Variants in YTHDC2 observed in about 807,000 individuals in gnomAD.
YTHDC2 encodes the protein 3'-5' RNA helicase YTHDC2.
Under a neutral mutation model 174.9 loss-of-function variants are expected in YTHDC2, and 45 were observed. The ratio of observed to expected loss-of-function variants is 0.26; its 90% CI spans 0.20 to 0.33. The LOEUF (loss-of-function observed/expected upper bound fraction) is 0.33, where lower values mean the gene tolerates loss of function less well. YTHDC2 is among the 10% of genes least tolerant of loss of function. The probability of loss-of-function intolerance (pLI) is 1.00; values close to 1 mark genes in which losing one functional copy is unlikely to be tolerated. For synonymous variants in YTHDC2, 657 were observed against 574.5 expected, an observed-to-expected ratio of 1.14 and a Z score of -2.05; for missense variants, 1,650 against 1,723.7, an observed-to-expected ratio of 0.96 and a Z score of 0.76.
chr5:113,526,539 T>C, intron 3 of YTHDC2, 47 bp from the exon 4 acceptor site: 1 of 1,459,644 alleles, frequency 6.9e-7, no homozygotes, highest in Non-Finnish European at 9.2e-7. Flanking sequence ...AACACTTCTT[T>C]TTCCGTGTTG....
In YTHDC2 at chr5:113,561,010, AC is replaced by A. The variant is rs529320672; in HGVS notation, c.2217-69del. The A allele has an allele frequency of 2.0e-4, 252 of 1,275,314 alleles. No individual in the cohort carries two copies. The African/African-American group carries it at 3.3e-3, about 17-fold the overall frequency. 79.0% of individuals were successfully genotyped at this position (1,275,314 alleles called of 1,614,324 possible). A position where few individuals can be genotyped will look rare whatever the true frequency, so the allele number is the denominator to read the frequency against. Reference sequence around the variant, plus strand: ...GGATCATTTTTCTCTTTCCTAAATCACATTGCGTTTACAGTTTATTGTAGCC... The same window carrying A: ...GGATCATTTTTCTCTTTCCTAAATCAATTGCGTTTACAGTTTATTGTAGCC... On this transcript the variant is annotated intron_variant, in intron 17 of 29. Transcript: ENST00000161863.
chr5:113,513,697 C>G lies in YTHDC2; in HGVS notation c.-199C>G, dbSNP rs919108039. On this transcript the variant is annotated 5_prime_UTR_variant, in exon 1 of 30. Transcript: ENST00000161863. ...CTGGTGACGTCATTACGCCCGCGCT[C>G]CTCGCCTGGCCGTGATATCAATGGC... 1.6e-6 allele frequency: 1 copy of G among 623,852 alleles called. No homozygotes were observed. Among genetic ancestry groups the G allele is most frequent in the African/African-American group, 2.0e-5 (1 of 50,820 alleles). The allele number at this position is 623,852 out of a possible 1,614,324, so 38.6% of individuals were successfully genotyped here.
At position 113,537,536 on chromosome 5, in the gene YTHDC2, C is replaced by T. The variant is rs574031047; in HGVS notation, c.1103-1538C>T. ...ATTCTCTAGAATTATTCCCTTGATC[C>T]GTTTCCTTTTTTTTTTTTCTGTTCG... On this transcript the variant is annotated intron_variant, in intron 7 of 29. Transcript: ENST00000161863. Among the ~76,000 whole-genome samples, 14 of 151,360 alleles carry T rather than the reference C, an allele frequency of 9.2e-5. No individual in the cohort carries two copies. The South Asian group carries it at 2.7e-3, about 29-fold the overall frequency.
rs1045983511 is a variant in YTHDC2, at chr5:113,593,220, C to A, written c.4213-83C>A. 6.6e-6 allele frequency: 6 copies of A among 910,730 alleles called. No individual in the cohort carries two copies. The South Asian group carries it at 9.1e-5, about 14-fold the overall frequency. The allele number at this position is 910,730 out of a possible 1,614,324, so 56.4% of individuals were successfully genotyped here. ...AATGAAATTTAAAGTGATTTTCTTA[C>A]ATTTTTATCAGTGTAGGTTTTGGTC... On this transcript the variant is annotated intron_variant, in intron 28 of 29. Coordinates refer to ENST00000161863, the MANE Select transcript of YTHDC2 (RefSeq NM_022828.5).
chr5:113,576,032 G>C (rs981465179), intron 23 of YTHDC2, among the ~76,000 whole-genome samples: 1 of 152,162 alleles, frequency 6.6e-6, no homozygotes, highest in East Asian at 1.9e-4. Context: ...GAAGGAGCAA[G>C]TCGTGTAGGG....
chr5:113,531,616 G>A (rs779300643), intron 4 of YTHDC2, among the ~76,000 whole-genome samples: 1 of 151,890 alleles, frequency 6.6e-6, no homozygotes, highest in Non-Finnish European at 1.5e-5. Flanking sequence ...CATTCCAAGA[G>A]GGTTTTTGTT....
At chr5:113,517,366 A>G (rs2112514812) in intron 2 of YTHDC2, among the ~76,000 whole-genome samples, 1 of 152,330 alleles carries the variant, frequency 6.6e-6, no homozygotes, top group South Asian at 2.1e-4. Flanking sequence ...TTCTGTAGCT[A>G]CATCATTTCT....
intron 26 of YTHDC2, among the ~76,000 whole-genome samples, chr5:113,585,019 G>A (rs1465742202): frequency 6.6e-6 from 1 of 151,942 alleles, no homozygotes; most frequent in Non-Finnish European, 1.5e-5. Flanking sequence ...GGGCTCAAGT[G>A]ATCTTCCCAT....
At chr5:113,588,534 A>G (rs747001130) in intron 26 of YTHDC2, among the ~76,000 whole-genome samples, 8 of 151,964 alleles carry the variant, frequency 5.3e-5, no homozygotes, top group Admixed American at 2.0e-4. Context: ...AGTATTTTAG[A>G]AGAGATGTGT....
At chr5:113,549,743 C>G (rs1580552667) in intron 12 of YTHDC2, among the ~76,000 whole-genome samples, 1 of 151,868 alleles carries the variant, frequency 6.6e-6, no homozygotes, top group Non-Finnish European at 1.5e-5. Context: ...TTTTTTTCTC[C>G]AGAAGCCCTA....
rs78162161 is a variant in YTHDC2, at chr5:113,534,516, G to A, written c.945+109G>A. On this transcript the variant is annotated intron_variant, in intron 6 of 29. Transcript: ENST00000161863. Reference sequence around the variant, plus strand: ...AATTTAAATACATAATTACATTTTTGGAATAGGGTAGAAAAGAGAACCAAC... The same window carrying A: ...AATTTAAATACATAATTACATTTTTAGAATAGGGTAGAAAAGAGAACCAAC... The A allele has an allele frequency of 1.7e-3, 1,505 of 886,250 alleles. 13 individuals are homozygous for A. The African/African-American group carries it at 0.022, about 13-fold the overall frequency. 54.9% of individuals were successfully genotyped at this position (886,250 alleles called of 1,614,324 possible).
In YTHDC2 at chr5:113,581,340, C is replaced by G. The variant is rs750782932; in HGVS notation, c.3355-77C>G. On this transcript the variant is annotated intron_variant, in intron 24 of 29. Coordinates refer to ENST00000161863, the MANE Select transcript of YTHDC2 (RefSeq NM_022828.5). ...TAAGTTTGTTGGAAACAGTTGCAAA[C>G]TAATGGAAACTAATCAACACATAGG... 5.3e-6 allele frequency: 7 copies of G among 1,323,664 alleles called. No individual in the cohort carries two copies. The Admixed American group carries it at 8.7e-5, about 17-fold the overall frequency. 82.0% of individuals were successfully genotyped at this position (1,323,664 alleles called of 1,614,324 possible).
At chr5:113,575,196 T>G (rs1777966751) in intron 23 of YTHDC2, among the ~76,000 whole-genome samples, 2 of 152,224 alleles carry the variant, frequency 1.3e-5, no homozygotes, top group South Asian at 4.1e-4. Flanking sequence ...ATTGATCCCC[T>G]GGCATAACAC....
chr5:113,549,171 A>G (rs555204628), intron 12 of YTHDC2, 151 bp downstream of exon 12: 3 of 615,756 alleles, frequency 4.9e-6, no homozygotes, highest in Middle Eastern at 4.4e-4. Flanking sequence ...TGTCTGATCT[A>G]CCATGGTATA....
chr5:113,553,157 C>CTTTTTT (rs34053583), intron 12 of YTHDC2, 24 bp from the exon 13 acceptor site: 45 of 1,098,468 alleles, frequency 4.1e-5, no homozygotes, highest in South Asian at 1.8e-4. Flanking sequence ...TTGACTTTGT[C>CTTTTTT]TTTTTTTTTT....
chr5:113,540,658 C>T (rs1288428173), intron 8 of YTHDC2, among the ~76,000 whole-genome samples: 1 of 152,156 alleles, frequency 6.6e-6, no homozygotes, highest in African/African-American at 2.4e-5. Context: ...ATGGGGGAAA[C>T]TGCCCCCATG....
intron 17 of YTHDC2, among the ~76,000 whole-genome samples, chr5:113,557,629 A>G (rs894890441): frequency 2.6e-5 from 4 of 152,110 alleles, no homozygotes. Flanking sequence ...CCTTGTCTCT[A>G]CAAAAAATTA....
chr5:113,521,506 G>A (rs903296996), intron 2 of YTHDC2, among the ~76,000 whole-genome samples: 4 of 151,980 alleles, frequency 2.6e-5, no homozygotes, highest in African/African-American at 7.3e-5. Context: ...CGAGGTGGGT[G>A]GATCACCTGA....
At chr5:113,553,741 ATGT>A in intron 14 of YTHDC2, 23 bp from the exon 15 acceptor site, 1 of 1,612,146 alleles carries the variant, frequency 6.2e-7, no homozygotes, top group Non-Finnish European at 8.5e-7. Context: ...GTCTTATAGT[ATGT>A]TTTCTCTTTC....
Sources: gnomAD v4.1 joint callset for allele counts (sites outside exome capture counted in the v4.1 genomes callset) on GRCh38, gnomAD v4.1.1 for gene constraint, MANE v1.5 for transcripts, NCBI Gene and HGNC (gene_info 2026-07-23, HGNC 2026-07-21) for gene names.